Variants in PPM1H observed in about 807,000 individuals in gnomAD.
PPM1H encodes the protein protein phosphatase 1H.
Under a neutral mutation model 54.9 loss-of-function variants are expected in PPM1H, and 27 were observed. That is an observed-to-expected ratio of 0.49 (90% confidence interval 0.36 to 0.68). The LOEUF is 0.68. Among genes scored for constraint, PPM1H ranks in the 30% least tolerant of loss-of-function variants. The pLI is 0.00. For missense variants in PPM1H, 596 were observed against 667.8 expected (o/e 0.89, Z 1.19); for synonymous variants, 305 against 270.8 (o/e 1.13, Z -1.24).
chr12:62,799,297 C>G lies in PPM1H; in HGVS notation c.756+2519G>C, dbSNP rs540762199. The stretch of plus-strand genomic sequence containing the variant: ...GAACAGCCTGAGACCCCTGTGGAGT[C>G]CTGAGTCAATGTGACATTGGCCTCT... On this transcript the variant is annotated intron_variant, in intron 3 of 9. Transcript: ENST00000228705. 8.5e-5 allele frequency among the ~76,000 whole-genome samples: 13 copies of G among 152,274 alleles called. No individual in the cohort carries two copies. In the East Asian group the frequency reaches 2.1e-3, roughly 25 times the overall value.
At chr12:62,877,470 C>T (rs1870216122) in intron 1 of PPM1H, among the ~76,000 whole-genome samples, 1 of 152,170 alleles carries the variant, frequency 6.6e-6, no homozygotes, top group African/African-American at 2.4e-5. Flanking sequence ...GCATTTTGTT[C>T]CAAGGTACCA....
At chr12:62,821,336 GA>G (rs1360425695) in intron 2 of PPM1H, among the ~76,000 whole-genome samples, 1 of 152,172 alleles carries the variant, frequency 6.6e-6, no homozygotes, top group Non-Finnish European at 1.5e-5. Flanking sequence ...AAACAAGTTG[GA>G]AAACACTCTG....
intron 1 of PPM1H, among the ~76,000 whole-genome samples, chr12:62,858,643 T>A (rs941726747): frequency 6.6e-6 from 1 of 152,202 alleles, no homozygotes; most frequent in Admixed American, 6.5e-5. Context: ...GTCCTCAAAC[T>A]TTTTTAGTCA....
At chr12:62,763,053 A>G (rs342143) in intron 4 of PPM1H, among the ~76,000 whole-genome samples, 54,319 of 151,974 alleles carry the variant, frequency 0.36, 9,873 homozygotes, top group Middle Eastern at 0.46. Context: ...CAAGGAGGCA[A>G]GAAGAGTTTT....
Position 62,887,759 on chromosome 12 carries a change from G to T in PPM1H, c.245+46733C>A, listed in dbSNP as rs557375477. Among the ~76,000 whole-genome samples, 14 of 152,310 alleles carry T rather than the reference G, an allele frequency of 9.2e-5. No homozygotes were observed. In the South Asian group the frequency reaches 2.9e-3, roughly 32 times the overall value. ...AGACTTGTACTAAATATAGGTGATG[G>T]TCATGGAGGGCCACAAAGAGCACAT... On this transcript the variant is annotated intron_variant, in intron 1 of 9. Coordinates refer to ENST00000228705, the MANE Select transcript of PPM1H (RefSeq NM_020700.2).
chr12:62,866,030 C>CGTCT (rs1188986503), intron 1 of PPM1H, among the ~76,000 whole-genome samples: 3 of 152,142 alleles, frequency 2.0e-5, no homozygotes, highest in Non-Finnish European at 4.4e-5. Context: ...TACAAGCCAA[C>CGTCT]GTCTGTGGTG....
At chr12:62,752,367 A>AT (rs1565778226) in intron 4 of PPM1H, among the ~76,000 whole-genome samples, 1 of 152,330 alleles carries the variant, frequency 6.6e-6, no homozygotes, top group East Asian at 1.9e-4. Context: ...AGAAAAAAAA[A>AT]TTTTGTGACC....
chr12:62,838,338 TGG>T (rs369140482), intron 1 of PPM1H, among the ~76,000 whole-genome samples: 11 of 93,324 alleles, frequency 1.2e-4, no homozygotes, highest in African/African-American at 5.6e-4. Context: ...TGTGTGTGTG[TGG>T]GGGGGGGGAG....
At chr12:62,861,876 C>T (rs955907359) in intron 1 of PPM1H, among the ~76,000 whole-genome samples, 2 of 152,208 alleles carry the variant, frequency 1.3e-5, no homozygotes, top group Admixed American at 6.5e-5. Context: ...ACCAAGTCTC[C>T]AGGCATTTCA....
At chr12:62,688,275 T>C (rs1156530461) in intron 8 of PPM1H, among the ~76,000 whole-genome samples, 1 of 152,112 alleles carries the variant, frequency 6.6e-6, no homozygotes, top group Non-Finnish European at 1.5e-5. Flanking sequence ...GCCACCACCT[T>C]GTAACCATGA....
At position 62,646,386 on chromosome 12, in the gene PPM1H, CAAAT is replaced by C. The variant is rs1234395347; in HGVS notation, c.*2099_*2102del. On this transcript the variant is annotated 3_prime_UTR_variant, in exon 10 of 10. Transcript: ENST00000228705. ...GGGCCCAGATAGAGGCCCAGGAAAG[CAAAT>C]AAATGAAAGACGGTGGGGACACAGG... is the stretch of plus-strand genomic sequence containing the variant. 1.3e-5 allele frequency: 2 copies of C among 152,128 alleles called. No homozygotes were observed. Among genetic ancestry groups the C allele is most frequent in the Non-Finnish European group, 2.9e-5 (2 of 68,034 alleles). 9.4% of individuals were successfully genotyped at this position (152,128 alleles called of 1,614,324 possible). A position where few individuals can be genotyped will look rare whatever the true frequency, so the allele number is the denominator to read the frequency against.
chr12:62,886,984 C>T (rs1177488675), intron 1 of PPM1H, among the ~76,000 whole-genome samples: 1 of 152,096 alleles, frequency 6.6e-6, no homozygotes, highest in African/African-American at 2.4e-5. Flanking sequence ...GCTATCTAAG[C>T]CAGAAATGAG....
chr12:62,695,104 T>A (rs1188522003), intron 6 of PPM1H, among the ~76,000 whole-genome samples: 2 of 152,050 alleles, frequency 1.3e-5, no homozygotes, highest in Non-Finnish European at 2.9e-5. Context: ...TGCTTGGGAG[T>A]GAGTCTGAAA....
chr12:62,664,233 G>T (rs1023202002), intron 9 of PPM1H, among the ~76,000 whole-genome samples: 8 of 152,110 alleles, frequency 5.3e-5, no homozygotes, highest in Non-Finnish European at 1.2e-4. Flanking sequence ...AGTCATTTCT[G>T]GCAGGTCAGA....
intron 4 of PPM1H, among the ~76,000 whole-genome samples, chr12:62,760,455 C>T (rs2076501946): frequency 6.6e-6 from 1 of 152,156 alleles, no homozygotes; most frequent in Admixed American, 6.5e-5. Context: ...AATCAGGCTC[C>T]AACTCTTCTT....
chr12:62,890,750 AC>A (rs1870764218), intron 1 of PPM1H, among the ~76,000 whole-genome samples: 1 of 151,132 alleles, frequency 6.6e-6, no homozygotes, highest in Non-Finnish European at 1.5e-5. Flanking sequence ...ACACACACAC[AC>A]ACACATATAT....
chr12:62,764,018 C>A (rs2076526853), intron 4 of PPM1H, among the ~76,000 whole-genome samples: 1 of 152,202 alleles, frequency 6.6e-6, no homozygotes, highest in African/African-American at 2.4e-5. Flanking sequence ...CTCGATCCAG[C>A]TGCTGCCTTT....
intron 2 of PPM1H, among the ~76,000 whole-genome samples, chr12:62,825,029 A>G (rs1369465369): frequency 6.6e-6 from 1 of 152,168 alleles, no homozygotes; most frequent in African/African-American, 2.4e-5. Context: ...TCCAGAATCT[A>G]CAAAGAAACA....
intron 2 of PPM1H, among the ~76,000 whole-genome samples, chr12:62,830,865 C>CT (rs1362121429): frequency 6.6e-6 from 1 of 152,010 alleles, no homozygotes; most frequent in Non-Finnish European, 1.5e-5. Flanking sequence ...TTTTCTTTTT[C>CT]TCTTTTTGAG....
Sources: allele counts gnomAD v4.1 joint callset (sites outside exome capture counted in the v4.1 genomes callset), GRCh38; gene constraint gnomAD v4.1.1; transcripts MANE v1.5; gene names NCBI Gene and HGNC (gene_info 2026-07-23, HGNC 2026-07-21).